The following SF3B1 variants were observed in gnomAD, a reference collection of about 807,000 sequenced individuals.
SF3B1 encodes the protein splicing factor 3b subunit 1.
Under a neutral mutation model 153.8 loss-of-function variants are expected in SF3B1, and 12 were observed. The observed-to-expected ratio is 0.08, with a 90% CI of 0.05 to 0.13. The LOEUF (loss-of-function observed/expected upper bound fraction) is 0.13, where lower values mean the gene tolerates loss of function less well. Among genes scored for constraint, SF3B1 ranks in the 10% least tolerant of loss-of-function variants. The pLI, the probability that SF3B1 is intolerant of heterozygous loss-of-function variation, is 1.00. For synonymous variants in SF3B1, 498 were observed against 525.2 expected (o/e 0.95, Z 0.71); for missense variants, 513 against 1,606.1 (o/e 0.32, Z 11.63).
intron 11 of SF3B1, 37 bp downstream of exon 11, chr2:197,405,039 A>G (rs761392800): frequency 2.6e-5 from 35 of 1,364,292 alleles, no homozygotes; most frequent in Non-Finnish European, 3.2e-5. Flanking sequence ...TAAATAAATA[A>G]GCAACAAACA....
intron 6 of SF3B1, among the ~76,000 whole-genome samples, chr2:197,410,236 G>C (rs915308020): frequency 1.3e-5 from 2 of 152,010 alleles, no homozygotes; most frequent in Admixed American, 1.3e-4. Flanking sequence ...AAAAGTCCCA[G>C]CTTAAAAAAA....
rs1174589783 is a variant in SF3B1 at position 197,416,747 on chromosome 2, C to A, written c.660G>T (p.Gln220His). ...ATPKKLSSWD[Q>H]AETPGHTPSL... ...AAAAACAAAAAGAAATTACCTCTGC[C>A]TGATCCCAACTTGATAGTTTTTTGG... is the stretch of plus-strand genomic sequence containing the variant. The change falls in exon 6 of 25, where the codon CAG becomes CAT. Residue 220 changes from glutamine (Q) to histidine (H), a missense_variant. Physicochemically the swap from Gln to His is conservative, Grantham distance 24 (BLOSUM62 0). Transcript: ENST00000335508. The A allele has an allele frequency of 6.2e-7, 1 of 1,609,844 alleles. No individual in the cohort carries two copies.
At chr2:197,419,878 G>A (rs561636174) in intron 4 of SF3B1, 99 of 224,828 alleles carry the variant, frequency 4.4e-4, no homozygotes, top group Non-Finnish European at 7.3e-4. Context: ...TGCCCCTTGT[G>A]CTGACTTGCA....
intron 4 of SF3B1, chr2:197,420,148 G>C (rs915327847): frequency 1.7e-5 from 6 of 361,260 alleles, no homozygotes; most frequent in Non-Finnish European, 3.0e-5. Flanking sequence ...AGTATAGAAA[G>C]CGTACCCAAA....
chr2:197,398,421 A>G (rs76399200), intron 21 of SF3B1, 40 bp downstream of exon 21: 19,794 of 1,608,452 alleles, frequency 0.012, 175 homozygotes, highest in South Asian at 0.026. Context: ...AAATTTGAAA[A>G]TTGATACTGC....
intron 9 of SF3B1, among the ~76,000 whole-genome samples, chr2:197,406,129 C>T (rs1001796469): frequency 8.7e-6 from 1 of 114,584 alleles, no homozygotes; most frequent in Non-Finnish European, 1.8e-5. Context: ...AAAAAAAAAA[C>T]AACTTCTGGA....
intron 6 of SF3B1, among the ~76,000 whole-genome samples, chr2:197,410,415 G>A (rs1272135678): frequency 5.9e-5 from 9 of 151,716 alleles, no homozygotes; most frequent in Admixed American, 5.3e-4. Flanking sequence ...GAAGGAATTC[G>A]TGTGTTCTAA....
intron 12 of SF3B1, among the ~76,000 whole-genome samples, chr2:197,403,299 C>G (rs901265344): frequency 6.6e-6 from 1 of 152,138 alleles, no homozygotes; most frequent in Non-Finnish European, 1.5e-5. Context: ...ACCATAATTA[C>G]CATCGGTGAA....
chr2:197,428,640 T>A (rs1389641806), intron 1 of SF3B1, among the ~76,000 whole-genome samples: 2 of 152,214 alleles, frequency 1.3e-5, no homozygotes, highest in African/African-American at 4.8e-5. Context: ...ACGCCTGTAA[T>A]CCCAGCACTT....
intron 20 of SF3B1, 118 bp from the exon 21 acceptor site, chr2:197,398,699 G>C: frequency 1.1e-6 from 1 of 917,560 alleles, no homozygotes; most frequent in South Asian, 1.7e-5. Flanking sequence ...GCTGCCTAGG[G>C]AAAGAGAAAG....
chr2:197,392,873 C>G, intron 24 of SF3B1, 99 bp downstream of exon 24: 1 of 703,874 alleles, frequency 1.4e-6, no homozygotes, highest in East Asian at 2.7e-5. Flanking sequence ...ACATATATAC[C>G]TATGTAACAA....
At chr2:197,412,583 T>C (rs2085085816) in intron 6 of SF3B1, among the ~76,000 whole-genome samples, 1 of 151,654 alleles carries the variant, frequency 6.6e-6, no homozygotes, top group South Asian at 2.1e-4. Context: ...TCTCAACCTC[T>C]CGACCTCAGG....
At chr2:197,422,908 T>C (rs1001974622) in intron 2 of SF3B1, among the ~76,000 whole-genome samples, 9 of 151,952 alleles carry the variant, frequency 5.9e-5, no homozygotes, top group Non-Finnish European at 8.8e-5. Flanking sequence ...TTTGATAATC[T>C]ATATACATAA....
At chr2:197,426,648 G>T (rs2085341267) in intron 1 of SF3B1, among the ~76,000 whole-genome samples, 1 of 152,082 alleles carries the variant, frequency 6.6e-6, no homozygotes, top group South Asian at 2.1e-4. Flanking sequence ...GAAATGACCT[G>T]GTGCACCTGT....
At chr2:197,417,014 TTCTCTTTTCTATGTACTGGTGA>T (rs2106005353) in intron 5 of SF3B1, 103 bp from the exon 6 acceptor site, 18 of 1,162,640 alleles carry the variant, frequency 1.5e-5, no homozygotes, top group Non-Finnish European at 2.1e-5. Context: ...ACTTTGCTCA[TTCTCTTTTCTATGTACTGGTGA>T]TCTCCTTTCT....
At chr2:197,419,923 A>G (rs1265688760) in intron 4 of SF3B1, 1 of 222,430 alleles carries the variant, frequency 4.5e-6, no homozygotes, top group Non-Finnish European at 9.0e-6. Context: ...CAACTATTAA[A>G]AATATCAAAC....
intron 1 of SF3B1, among the ~76,000 whole-genome samples, chr2:197,434,001 A>G (rs73050856): frequency 0.042 from 6,469 of 152,332 alleles, 450 homozygotes; most frequent in African/African-American, 0.15. Context: ...GAATGAGAAC[A>G]TACACATCTG....
At chr2:197,393,600 G>C (rs1023771630) in intron 23 of SF3B1, among the ~76,000 whole-genome samples, 2 of 151,904 alleles carry the variant, frequency 1.3e-5, no homozygotes, top group Non-Finnish European at 2.9e-5. Flanking sequence ...TTACAGGTGT[G>C]TGCCACCACG....
chr2:197,427,437 C>G (rs2085352130), intron 1 of SF3B1, among the ~76,000 whole-genome samples: 1 of 152,188 alleles, frequency 6.6e-6, no homozygotes, highest in African/African-American at 2.4e-5. Context: ...CGTCAGATTC[C>G]ATAAAACTCA....
Sources: allele counts gnomAD v4.1 joint callset (sites outside exome capture counted in the v4.1 genomes callset), GRCh38; gene constraint gnomAD v4.1.1; transcripts MANE v1.5; gene names NCBI Gene and HGNC (gene_info 2026-07-23, HGNC 2026-07-21).